Variants in NELL1 observed in about 807,000 individuals in gnomAD.
The protein encoded by NELL1 is protein kinase C-binding protein NELL1.
In NELL1, 76 loss-of-function variants were observed where a neutral mutation model predicts 107.4. The ratio of observed to expected loss-of-function variants is 0.71; its 90% CI spans 0.59 to 0.86. The LOEUF is 0.86. NELL1 is among the 40% of genes least tolerant of loss of function. NELL1 has a pLI of 0.00. For synonymous variants in NELL1, 353 were observed against 341.2 expected, an observed-to-expected ratio of 1.03 and a Z score of -0.38; for missense variants, 1,024 against 1,005.5, an observed-to-expected ratio of 1.02 and a Z score of -0.25.
chr11:20,932,155 T>C (rs976492142), intron 9 of NELL1, among the ~76,000 whole-genome samples: 2 of 152,110 alleles, frequency 1.3e-5, no homozygotes, highest in Admixed American at 6.5e-5. Flanking sequence ...AATATACCTA[T>C]TTGCACATTA....
intron 13 of NELL1, among the ~76,000 whole-genome samples, chr11:21,196,563 G>A (rs1217779019): frequency 6.6e-6 from 1 of 151,960 alleles, no homozygotes; most frequent in Non-Finnish European, 1.5e-5. Context: ...CTTCATTTAT[G>A]TGTCCTCAGA....
intron 5 of NELL1, among the ~76,000 whole-genome samples, chr11:20,894,089 A>G (rs557710904): frequency 2.9e-4 from 44 of 152,292 alleles, no homozygotes; most frequent in Non-Finnish European, 4.7e-4. Flanking sequence ...TGGGGAAAGC[A>G]CTAATCCTGA....
intron 3 of NELL1, among the ~76,000 whole-genome samples, chr11:20,819,428 G>A (rs1025203098): frequency 1.3e-4 from 20 of 152,138 alleles, no homozygotes; most frequent in Non-Finnish European, 2.4e-4. Flanking sequence ...GAAAAAGGCC[G>A]TTGTTTACAT....
Position 20,724,716 on chromosome 11 carries a change from C to A in NELL1, c.184+46656C>A, listed in dbSNP as rs142198689. ...ACATCTTCTTTTTTTCTTCTGAGCC[C>A]TCTAAACTGTTCTAACATCTTCCCA... On this transcript the variant is annotated intron_variant, in intron 2 of 19. Transcript: ENST00000357134. 6.3e-3 allele frequency among the ~76,000 whole-genome samples: 953 copies of A among 152,240 alleles called. 7 individuals carry two copies. The highest frequency in any genetic ancestry group is 0.022 in the African/African-American group (910 of 41,534).
intron 3 of NELL1, among the ~76,000 whole-genome samples, chr11:20,828,029 C>T (rs1857922373): frequency 6.6e-6 from 1 of 151,290 alleles, no homozygotes; most frequent in African/African-American, 2.4e-5. Context: ...ACATCCTAGA[C>T]ATAGTGTCAT....
At chr11:21,043,383 C>T (rs1003941951) in intron 12 of NELL1, among the ~76,000 whole-genome samples, 1 of 151,916 alleles carries the variant, frequency 6.6e-6, no homozygotes, top group Non-Finnish European at 1.5e-5. Context: ...GATGTAAAGT[C>T]CTTAAGGTTA....
chr11:20,826,229 G>C (rs1028807865), intron 3 of NELL1, among the ~76,000 whole-genome samples: 7 of 151,220 alleles, frequency 4.6e-5, no homozygotes, highest in Non-Finnish European at 7.4e-5. Context: ...GTAGTCCAGA[G>C]TTTATGTGAC....
intron 12 of NELL1, among the ~76,000 whole-genome samples, chr11:21,099,253 G>A (rs1307244093): frequency 1.4e-5 from 2 of 141,474 alleles, no homozygotes; most frequent in South Asian, 2.5e-4. Context: ...ACACACACAC[G>A]GATCAGCTGT....
intron 17 of NELL1, among the ~76,000 whole-genome samples, chr11:21,566,970 A>G (rs1250440267): frequency 6.6e-6 from 1 of 151,862 alleles, no homozygotes; most frequent in East Asian, 1.9e-4. Flanking sequence ...ATTTTGCACT[A>G]ACCCTGGAGG....
chr11:20,791,595 C>T (rs1368599095), intron 3 of NELL1, among the ~76,000 whole-genome samples: 1 of 152,114 alleles, frequency 6.6e-6, no homozygotes, highest in East Asian at 1.9e-4. Flanking sequence ...GCCAGAACTT[C>T]CAGTACAATG....
At chr11:20,913,454 G>A (rs924886411) in intron 5 of NELL1, among the ~76,000 whole-genome samples, 10 of 152,110 alleles carry the variant, frequency 6.6e-5, no homozygotes, top group African/African-American at 2.4e-4. Context: ...ATACACAAGA[G>A]GGACCTAATT....
chr11:21,198,120 C>T (rs1384868896), intron 13 of NELL1, among the ~76,000 whole-genome samples: 1 of 152,146 alleles, frequency 6.6e-6, no homozygotes, highest in Non-Finnish European at 1.5e-5. Context: ...ATGTCAGGCT[C>T]CTGGGTTGAT....
intron 13 of NELL1, among the ~76,000 whole-genome samples, chr11:21,225,628 G>C (rs1160806295): frequency 2.0e-5 from 3 of 152,080 alleles, no homozygotes; most frequent in Non-Finnish European, 4.4e-5. Flanking sequence ...GGAGGTGAGT[G>C]CTGGACACCT....
intron 12 of NELL1, among the ~76,000 whole-genome samples, chr11:20,967,128 C>G (rs570953669): frequency 3.3e-5 from 5 of 152,144 alleles, no homozygotes; most frequent in East Asian, 1.9e-4. Flanking sequence ...TTAGTTATTT[C>G]TTTGTGACAG....
At chr11:21,092,509 G>T (rs1854544465) in intron 12 of NELL1, among the ~76,000 whole-genome samples, 1 of 152,150 alleles carries the variant, frequency 6.6e-6, no homozygotes, top group Non-Finnish European at 1.5e-5. Context: ...GAAATGTGCA[G>T]AAAGAAACTG....
At chr11:20,755,760 T>C (rs1305751629) in intron 2 of NELL1, among the ~76,000 whole-genome samples, 1 of 151,728 alleles carries the variant, frequency 6.6e-6, no homozygotes, top group Non-Finnish European at 1.5e-5. Flanking sequence ...TTCACCATGT[T>C]GGCCAGGCTG....
intron 3 of NELL1, among the ~76,000 whole-genome samples, chr11:20,819,593 A>C (rs1028825637): frequency 1.3e-5 from 2 of 152,190 alleles, no homozygotes. Context: ...AATTGTCTAA[A>C]AGTTTCAGAT....
At chr11:21,546,081 G>T (rs1204115590) in intron 16 of NELL1, among the ~76,000 whole-genome samples, 1 of 151,974 alleles carries the variant, frequency 6.6e-6, no homozygotes, top group East Asian at 1.9e-4. Flanking sequence ...GGAGGAAATG[G>T]AACCATAGTT....
chr11:20,899,882 C>T (rs762145965), intron 5 of NELL1, among the ~76,000 whole-genome samples: 4 of 107,998 alleles, frequency 3.7e-5, no homozygotes, highest in African/African-American at 3.3e-5. Context: ...CTACATGAAT[C>T]GCCAAAATGG....
Sources: gnomAD v4.1 joint callset for allele counts (sites outside exome capture counted in the v4.1 genomes callset) on GRCh38, gnomAD v4.1.1 for gene constraint, MANE v1.5 for transcripts, NCBI Gene and HGNC (gene_info 2026-07-23, HGNC 2026-07-21) for gene names.